CACNA1A: variants seen among roughly 807,000 people sequenced by gnomAD.
The protein encoded by CACNA1A is voltage-dependent P/Q-type calcium channel subunit alpha-1A.
Under a neutral mutation model 262.4 loss-of-function variants are expected in CACNA1A, and 57 were observed. The ratio of observed to expected loss-of-function variants is 0.22; its 90% CI spans 0.18 to 0.27. The LOEUF is 0.27. CACNA1A is among the 10% of genes least tolerant of loss of function. CACNA1A has a pLI of 1.00. For synonymous variants in CACNA1A, 1,431 were observed against 1,419.3 expected (o/e 1.01, Z -0.18); for missense variants, 2,526 against 3,562.8 (o/e 0.71, Z 7.41).
At chr19:13,289,633 T>C (rs2057488623) in intron 19 of CACNA1A, among the ~76,000 whole-genome samples, 1 of 152,182 alleles carries the variant, frequency 6.6e-6, no homozygotes, top group African/African-American at 2.4e-5. Flanking sequence ...CCTCAGTTCC[T>C]GACCCATAAC....
chr19:13,435,579 G>A (rs1392625497), intron 3 of CACNA1A, among the ~76,000 whole-genome samples: 3 of 152,074 alleles, frequency 2.0e-5, no homozygotes, highest in Admixed American at 6.6e-5. Context: ...GATGTACACT[G>A]GGGACAATGA....
chr19:13,427,265 A>G (rs780753185), intron 3 of CACNA1A, among the ~76,000 whole-genome samples: 4 of 152,052 alleles, frequency 2.6e-5, no homozygotes, highest in Non-Finnish European at 5.9e-5. Context: ...CAGCCTGACC[A>G]ACATGGAGAA....
chr19:13,402,873 C>CATATATATATATATATATAT (rs71170507), intron 3 of CACNA1A, among the ~76,000 whole-genome samples: 1 of 72,824 alleles, frequency 1.4e-5, no homozygotes, highest in Non-Finnish European at 2.8e-5. Flanking sequence ...CACACACACA[C>CATATATATATATATATATAT]ATATATATAT....
At chr19:13,371,840 C>G in intron 3 of CACNA1A, 61 bp from the exon 4 acceptor site, 1 of 1,243,854 alleles carries the variant, frequency 8.0e-7, no homozygotes, top group Non-Finnish European at 1.2e-6. Flanking sequence ...GACAGCAGGG[C>G]GGGGGTGCTT....
chr19:13,386,917 C>T (rs1169452059), intron 3 of CACNA1A, among the ~76,000 whole-genome samples: 2 of 152,094 alleles, frequency 1.3e-5, no homozygotes, highest in African/African-American at 4.8e-5. Flanking sequence ...CATTGTTGAG[C>T]CAAGGAACCA....
chr19:13,334,565 GTGTGTGTGTGTGTGTGTGTGTGTGTGTT>G (rs2058526830), intron 7 of CACNA1A, 72 bp from the exon 8 acceptor site: 2 of 618,146 alleles, frequency 3.2e-6, no homozygotes, highest in African/African-American at 2.1e-5. Context: ...GTGTGTTTGT[GTGTGTGTGTGTGTGTGTGTGTGTGTGTT>G]TGTGTGTGTG....
chr19:13,289,634 G>A (rs2057488703), intron 19 of CACNA1A, among the ~76,000 whole-genome samples: 1 of 152,100 alleles, frequency 6.6e-6, no homozygotes, highest in Non-Finnish European at 1.5e-5. Flanking sequence ...CTCAGTTCCT[G>A]ACCCATAACA....
intron 3 of CACNA1A, among the ~76,000 whole-genome samples, chr19:13,425,013 C>T (rs1362221997): frequency 6.6e-6 from 1 of 152,064 alleles, no homozygotes; most frequent in South Asian, 2.1e-4. Context: ...ACCATGTTGG[C>T]CAGGCTGGTC....
chr19:13,444,307 C>T lies in CACNA1A; in HGVS notation c.539+8569G>A, dbSNP rs2060772974. Among the ~76,000 whole-genome samples, 6 of 152,296 alleles carry T rather than the reference C, an allele frequency of 3.9e-5. No homozygotes were observed. The South Asian group carries it at 1.2e-3, about 32-fold the overall frequency. On this transcript the variant is annotated intron_variant, in intron 3 of 46. Transcript: ENST00000360228. ...AAAATGCTGCTGGTATTTATAGGAA[C>T]TGTTGCTGGTCTCATGAGTTAGAAT...
chr19:13,418,757 G>A (rs539008604), intron 3 of CACNA1A, among the ~76,000 whole-genome samples: 2 of 152,172 alleles, frequency 1.3e-5, no homozygotes, highest in African/African-American at 4.8e-5. Flanking sequence ...GTTTGAAGCC[G>A]TGTGGTTTAT....
At chr19:13,237,092 A>G (rs972712623) in intron 31 of CACNA1A, among the ~76,000 whole-genome samples, 1 of 152,078 alleles carries the variant, frequency 6.6e-6, no homozygotes, top group African/African-American at 2.4e-5. Context: ...TGCTCCCTGG[A>G]AGCAGGCCAC....
chr19:13,410,540 CTTTTTTT>C (rs113290275), intron 3 of CACNA1A, among the ~76,000 whole-genome samples: 9,162 of 120,718 alleles, frequency 0.076, 550 homozygotes, highest in East Asian at 0.32. Flanking sequence ...ATTCTTTTTT[CTTTTTTT>C]TTTTTTTTTT....
At position 13,367,669 on chromosome 19, in the gene CACNA1A, A is replaced by G. The variant is rs576195487; in HGVS notation, c.632-2200T>C. ...TGTGAACCCGGGAGGTGGAGCTTGC[A>G]GTGAGCTGAGATCACGCCATTGCAC... On this transcript the variant is annotated intron_variant, in intron 4 of 46. Transcript: ENST00000360228. Among the ~76,000 whole-genome samples, 300 of 152,210 alleles carry G rather than the reference A, an allele frequency of 2.0e-3. 1 individual carries two copies. The highest frequency in any genetic ancestry group is 3.7e-3 in the Non-Finnish European group (250 of 68,018).
chr19:13,223,481 G>A (rs1253310525), intron 38 of CACNA1A, among the ~76,000 whole-genome samples: 3 of 152,092 alleles, frequency 2.0e-5, no homozygotes, highest in African/African-American at 2.4e-5. Context: ...GAGCCACCAC[G>A]TCGAGCCTAC....
intron 19 of CACNA1A, among the ~76,000 whole-genome samples, chr19:13,296,094 G>A (rs1434889449): frequency 6.6e-6 from 1 of 152,154 alleles, no homozygotes; most frequent in African/African-American, 2.4e-5. Context: ...ACTTCACTAT[G>A]TCCTCCAGAG....
intron 38 of CACNA1A, among the ~76,000 whole-genome samples, chr19:13,218,419 G>C (rs2144561223): frequency 6.6e-6 from 1 of 152,300 alleles, no homozygotes; most frequent in South Asian, 2.1e-4. Context: ...GCTCAGGTGA[G>C]CTTCCCTGGT....
rs777316026 is a variant in CACNA1A, at chr19:13,371,758, C to T, written c.561G>A (p.Thr187=). 55 of 1,575,962 alleles carry T rather than the reference C, an allele frequency of 3.5e-5. No individual in the cohort carries two copies. The highest frequency in any genetic ancestry group is 9.2e-5 in the Admixed American group (5 of 54,104). The change falls in exon 4 of 47, where the codon ACG becomes ACA. Residue 187 remains threonine (T), a synonymous_variant. Coordinates refer to ENST00000360228, the MANE Select transcript of CACNA1A (RefSeq NM_001127222.2). The part of the protein sequence containing the change: ...VLTGILATVG[T]EFDLRTLRAV... ...CCCTCAGCGTCCGTAGGTCAAACTC[C>T]GTCCCAACTGTCGCCAAGATGCTGA...
At chr19:13,276,788 C>G (rs558676925) in intron 23 of CACNA1A, among the ~76,000 whole-genome samples, 1 of 149,284 alleles carries the variant, frequency 6.7e-6, no homozygotes. Flanking sequence ...GCCTCCACAT[C>G]GGCTCATTGC....
At chr19:13,443,444 C>G (rs2060759329) in intron 3 of CACNA1A, among the ~76,000 whole-genome samples, 1 of 151,974 alleles carries the variant, frequency 6.6e-6, no homozygotes, top group Non-Finnish European at 1.5e-5. Flanking sequence ...TGGGCTCAAG[C>G]AATCCTCCTG....
Sources: allele counts gnomAD v4.1 joint callset (sites outside exome capture counted in the v4.1 genomes callset), GRCh38; gene constraint gnomAD v4.1.1; transcripts MANE v1.5; gene names NCBI Gene and HGNC (gene_info 2026-07-23, HGNC 2026-07-21).